The following PTGER2 variants were observed in gnomAD, a reference collection of about 807,000 sequenced individuals.
The protein encoded by PTGER2 is prostaglandin E2 receptor EP2 subtype.
A neutral mutation model predicts 26.2 loss-of-function variants in PTGER2; 22 were observed. The observed-to-expected ratio is 0.84, with a 90% CI of 0.60 to 1.20. The LOEUF is 1.20. Ranked by LOEUF, PTGER2 falls within the 50% of genes most tolerant of loss-of-function variation. The pLI, the probability that PTGER2 is intolerant of heterozygous loss-of-function variation, is 0.00. For synonymous variants in PTGER2, 219 were observed against 208.9 expected, an observed-to-expected ratio of 1.05 and a Z score of -0.42; for missense variants, 458 against 475.2, an observed-to-expected ratio of 0.96 and a Z score of 0.34.
At chr14:52,322,380 A>T (rs773446279) in intron 1 of PTGER2, among the ~76,000 whole-genome samples, 3 of 152,188 alleles carry the variant, frequency 2.0e-5, no homozygotes, top group Non-Finnish European at 4.4e-5. Flanking sequence ...TTCTGAGGAA[A>T]CAGGACAAGG....
chr14:52,315,267 G>A lies in PTGER2; in HGVS notation c.719G>A (p.Ser240Asn), dbSNP rs1292069467. The A allele has an allele frequency of 1.2e-6, 2 of 1,613,242 alleles. No homozygotes were observed. Among genetic ancestry groups the A allele is most frequent in the Non-Finnish European group, 1.7e-6 (2 of 1,179,956 alleles). The change falls in exon 1 of 2, where the codon AGT becomes AAT. Residue 240 changes from serine (S) to asparagine (N), a missense_variant. Coordinates refer to ENST00000245457, the MANE Select transcript of PTGER2 (RefSeq NM_000956.4). ...AGCCGCTGCGGACCTTCCCTGGGCA[G>A]TGGCCGGGGCGGCCCCGGGGCCCGC... ...RRSRCGPSLG[S>N]GRGGPGARRR...
At chr14:52,326,801 G>A (rs1442824486) in intron 1 of PTGER2, among the ~76,000 whole-genome samples, 1 of 152,180 alleles carries the variant, frequency 6.6e-6, no homozygotes, top group African/African-American at 2.4e-5. Flanking sequence ...ATAAGGAGTA[G>A]AGATAAAGCG....
At chr14:52,320,208 C>T (rs1039993155) in intron 1 of PTGER2, among the ~76,000 whole-genome samples, 11 of 152,200 alleles carry the variant, frequency 7.2e-5, no homozygotes, top group Non-Finnish European at 2.9e-5. Flanking sequence ...TTTTAATACA[C>T]ATGATGTTTT....
At chr14:52,326,103 A>C (rs149548199) in intron 1 of PTGER2, among the ~76,000 whole-genome samples, 3 of 152,324 alleles carry the variant, frequency 2.0e-5, no homozygotes, top group African/African-American at 7.2e-5. Flanking sequence ...ATCAAGATGC[A>C]TTATTCCATT....
intron 1 of PTGER2, among the ~76,000 whole-genome samples, chr14:52,323,093 G>C (rs2033914245): frequency 6.6e-6 from 1 of 152,118 alleles, no homozygotes; most frequent in Non-Finnish European, 1.5e-5. Flanking sequence ...GTATTATTTG[G>C]GAACGGATAA....
intron 1 of PTGER2, among the ~76,000 whole-genome samples, chr14:52,319,069 A>C (rs1433200335): frequency 6.6e-6 from 1 of 152,192 alleles, no homozygotes; most frequent in Non-Finnish European, 1.5e-5. Flanking sequence ...TAACCACAAC[A>C]CTATCCAAGA....
At position 52,315,068 on chromosome 14, in the gene PTGER2, G is replaced by T; in HGVS notation, c.520G>T (p.Asp174Tyr). 6.2e-7 allele frequency: 1 copy of T among 1,612,234 alleles called. No homozygotes were observed. Among genetic ancestry groups the T allele is most frequent in the Non-Finnish European group, 8.5e-7 (1 of 1,179,944 alleles). Reference protein sequence around the residue: ...SLLFCSLPLLDYGQYVQYCPG... With the variant: ...SLLFCSLPLLYYGQYVQYCPG... Reference sequence around the variant, plus strand: ...GCTCTTCTGCTCGCTGCCGCTGCTGGACTATGGGCAGTACGTCCAGTACTG... The same window carrying T: ...GCTCTTCTGCTCGCTGCCGCTGCTGTACTATGGGCAGTACGTCCAGTACTG... Residue 174 changes from aspartate (D) to tyrosine (Y), a missense_variant, in exon 1 of 2, where the codon GAC (aspartate) becomes TAC (tyrosine). Physicochemically the swap from Asp to Tyr is radical, Grantham distance 160. Coordinates refer to ENST00000245457, the MANE Select transcript of PTGER2 (RefSeq NM_000956.4).
chr14:52,323,151 C>A (rs1318109032), intron 1 of PTGER2, among the ~76,000 whole-genome samples: 2 of 152,192 alleles, frequency 1.3e-5, no homozygotes. Flanking sequence ...GCGGCTCCAA[C>A]CAGTCCTTCC....
At position 52,317,390 on chromosome 14, in the gene PTGER2, G is replaced by A. The variant is rs539385723; in HGVS notation, c.843+1999G>A. Among the ~76,000 whole-genome samples the A allele has an allele frequency of 1.5e-3, 222 of 152,310 alleles. 1 individual carries two copies. The highest frequency in any genetic ancestry group is 5.2e-3 in the African/African-American group (217 of 41,562). On this transcript the variant is annotated intron_variant, in intron 1 of 1. Transcript: ENST00000245457. ...TAAAGGTAGTGGTTTCCAACAGGTT[G>A]CCCTGTTTTCATGTAAATTGGCCTT...
At chr14:52,317,883 G>A (rs1254596) in intron 1 of PTGER2, among the ~76,000 whole-genome samples, 143,169 of 152,294 alleles carry the variant, frequency 0.94, 67,704 homozygotes, top group Non-Finnish European at 1. Flanking sequence ...TCACCTCTTA[G>A]TAAGAAAATT....
Position 52,315,068 on chromosome 14 carries a change from G to A in PTGER2, c.520G>A (p.Asp174Asn), listed in dbSNP as rs2033821914. The A allele has an allele frequency of 6.2e-7, 1 of 1,612,234 alleles. No homozygotes were observed. The highest frequency in any genetic ancestry group is 8.5e-7 in the Non-Finnish European group (1 of 1,179,944). ...GCTCTTCTGCTCGCTGCCGCTGCTGGACTATGGGCAGTACGTCCAGTACTG... is the reference window on the plus strand; with the variant it reads ...GCTCTTCTGCTCGCTGCCGCTGCTGAACTATGGGCAGTACGTCCAGTACTG... The part of the protein sequence containing the change: ...SLLFCSLPLL[D>N]YGQYVQYCPG... The change falls in exon 1 of 2, where the codon GAC becomes AAC. Residue 174 changes from aspartate (D) to asparagine (N), a missense_variant. Transcript: ENST00000245457.
rs1215250646 is a variant in PTGER2 at position 52,315,252 on chromosome 14, G to A, written c.704G>A (p.Gly235Glu). 4 of 1,612,952 alleles carry A rather than the reference G, an allele frequency of 2.5e-6. No homozygotes were observed. The highest frequency in any genetic ancestry group is 3.4e-6 in the Non-Finnish European group (4 of 1,179,944). Residue 235 changes from glycine to glutamate, a missense_variant, in exon 1 of 2, where the codon GGA becomes GAA. Coordinates refer to ENST00000245457, the MANE Select transcript of PTGER2 (RefSeq NM_000956.4). The part of the protein sequence containing the change: ...MHRRSRRSRC[G>E]PSLGSGRGGP... The stretch of plus-strand genomic sequence containing the variant: ...CGCCGAAGCCGGAGAAGCCGCTGCG[G>A]ACCTTCCCTGGGCAGTGGCCGGGGC...
At position 52,324,257 on chromosome 14, in the gene PTGER2, G is replaced by T. The variant is rs149009791; in HGVS notation, c.844-2964G>T. Among the ~76,000 whole-genome samples the T allele has an allele frequency of 2.6e-3, 393 of 152,354 alleles. 3 individuals carry two copies. The highest frequency in any genetic ancestry group is 3.4e-3 in the Admixed American group (52 of 15,308). On this transcript the variant is annotated intron_variant, in intron 1 of 1. Coordinates refer to ENST00000245457, the MANE Select transcript of PTGER2 (RefSeq NM_000956.4). Reference sequence around the variant, plus strand: ...GTTTCAGTCAGGAGGCAGAGAGGCAGGAGGGTGGGGAGGACCTGGGCCAAG... The same window carrying T: ...GTTTCAGTCAGGAGGCAGAGAGGCATGAGGGTGGGGAGGACCTGGGCCAAG...
chr14:52,317,683 C>A (rs1368725624), intron 1 of PTGER2, among the ~76,000 whole-genome samples: 2 of 152,120 alleles, frequency 1.3e-5, no homozygotes, highest in Non-Finnish European at 2.9e-5. Context: ...GGCTTTAGCT[C>A]CCCCAAACCA....
chr14:52,319,337 T>C (rs1313854290), intron 1 of PTGER2, among the ~76,000 whole-genome samples: 1 of 152,222 alleles, frequency 6.6e-6, no homozygotes, highest in Non-Finnish European at 1.5e-5. Flanking sequence ...GATTGGCTAA[T>C]GTAAATGCTG....
chr14:52,327,656 A>G lies in PTGER2; in HGVS notation c.*202A>G, dbSNP rs1354935871. On this transcript the variant is annotated 3_prime_UTR_variant, in exon 2 of 2. Coordinates refer to ENST00000245457, the MANE Select transcript of PTGER2 (RefSeq NM_000956.4). ...AGTGTCAGAAGGAGCTACAAAACCT[A>G]CCCTCAGTGAGCATGGTACTTGGCC... The G allele has an allele frequency of 1.1e-5, 6 of 533,858 alleles. No homozygotes were observed. Among genetic ancestry groups the G allele is most frequent in the East Asian group, 3.1e-5 (1 of 32,776 alleles). The allele number at this position is 533,858 out of a possible 1,614,324, so 33.1% of individuals were successfully genotyped here.
rs371082222 is a variant in PTGER2, at chr14:52,314,765, G to C, written c.217G>C (p.Glu73Gln). The change falls in exon 1 of 2, where the codon GAG becomes CAG. Residue 73 changes from glutamate (E) to glutamine (Q), a missense_variant. Coordinates refer to ENST00000245457, the MANE Select transcript of PTGER2 (RefSeq NM_000956.4). The surrounding 1 kb of genome is among the most constrained non-coding windows in gnomAD (Gnocchi z 5.7). ...SLSLFHVLVT[E>Q]LVFTDLLGTC... The stretch of plus-strand genomic sequence containing the variant: ...CTCCTTGTTCCACGTGCTGGTGACC[G>C]AGCTGGTGTTCACCGACCTGCTCGG... 2 of 1,605,166 alleles carry C rather than the reference G, an allele frequency of 1.2e-6. No individual in the cohort carries two copies. The highest frequency in any genetic ancestry group is 8.5e-7 in the Non-Finnish European group (1 of 1,173,804).
chr14:52,327,168 G>A (rs1316760491), intron 1 of PTGER2, 53 bp from the exon 2 acceptor site: 3 of 1,322,658 alleles, frequency 2.3e-6, no homozygotes, highest in African/African-American at 2.9e-5. Context: ...GTCTAAGCCT[G>A]TCTACTGCTA....
At chr14:52,319,328 A>T (rs916182856) in intron 1 of PTGER2, among the ~76,000 whole-genome samples, 1 of 152,192 alleles carries the variant, frequency 6.6e-6, no homozygotes, top group Admixed American at 6.5e-5. Context: ...ATTCTAGGAG[A>T]TTGGCTAATG....
Sources: allele counts gnomAD v4.1 joint callset (sites outside exome capture counted in the v4.1 genomes callset), GRCh38; gene constraint gnomAD v4.1.1; non-coding constraint Gnocchi (gnomAD v3.1); transcripts MANE v1.5; gene names NCBI Gene and HGNC (gene_info 2026-07-23, HGNC 2026-07-21).